SERPINA9: variants seen among roughly 807,000 people sequenced by gnomAD.
The protein encoded by SERPINA9 is serpin A9.
A neutral mutation model predicts 24.5 loss-of-function variants in SERPINA9; 32 were observed. The ratio of observed to expected loss-of-function variants is 1.30; its 90% confidence interval spans 0.98 to 1.75. SERPINA9 has a LOEUF of 1.75. SERPINA9 is among the 40% of genes most tolerant of loss of function. The pLI is 0.00. For missense variants in SERPINA9, 594 were observed against 497.1 expected (o/e 1.19, Z -1.85); for synonymous variants, 233 against 197.7 (o/e 1.18, Z -1.50).
At chr14:94,474,472 C>A (rs1343363380) in intron 1 of SERPINA9, among the ~76,000 whole-genome samples, 1 of 152,118 alleles carries the variant, frequency 6.6e-6, no homozygotes, top group African/African-American at 2.4e-5. Context: ...TCTCAAAAGG[C>A]CCTCTCTTCT....
intron 1 of SERPINA9, among the ~76,000 whole-genome samples, chr14:94,475,642 A>G (rs2139829381): frequency 1.3e-5 from 2 of 152,222 alleles, no homozygotes; most frequent in South Asian, 4.1e-4. Context: ...TTTGAGGTCC[A>G]GTCCCCCTTC....
chr14:94,462,961 T>A lies in SERPINA9; in HGVS notation c.*132A>T, dbSNP rs1898809430. 2 of 747,368 alleles carry A rather than the reference T, an allele frequency of 2.7e-6. No individual in the cohort carries two copies. Among genetic ancestry groups the A allele is most frequent in the Non-Finnish European group, 4.6e-6 (2 of 436,294 alleles). The allele number at this position is 747,368 out of a possible 1,614,324, so 46.3% of individuals were successfully genotyped here. On this transcript the variant is annotated 3_prime_UTR_variant, in exon 5 of 5. Transcript: ENST00000674397. ...CTGTTGATGGTTTGGTGATTGAGCC[T>A]TGGAAGTGGCATCCCTGCCAGCGAA...
intron 4 of SERPINA9, 98 bp from the exon 5 acceptor site, chr14:94,463,394 C>A: frequency 9.5e-7 from 1 of 1,053,846 alleles, no homozygotes; most frequent in Non-Finnish European, 1.4e-6. Flanking sequence ...ATGGTGATGT[C>A]TACCTTGAAA....
At chr14:94,475,827 C>A (rs768579798) in intron 1 of SERPINA9, 3 of 458,860 alleles carry the variant, frequency 6.5e-6, no homozygotes, top group African/African-American at 4.0e-5. Flanking sequence ...CTCCTTTCAC[C>A]CTCTCATTTG....
At chr14:94,473,186 C>A (rs1036808538) in intron 1 of SERPINA9, among the ~76,000 whole-genome samples, 1 of 152,240 alleles carries the variant, frequency 6.6e-6, no homozygotes, top group Non-Finnish European at 1.5e-5. Context: ...TCAGTAGACA[C>A]TTGGTGTGCT....
chr14:94,469,905 C>T (rs192482053), intron 1 of SERPINA9, 48 bp from the exon 2 acceptor site: 667 of 1,456,860 alleles, frequency 4.6e-4, no homozygotes, highest in Middle Eastern at 7.2e-4. Flanking sequence ...AGGGTCCAGG[C>T]CCTGAATCAG....
chr14:94,464,812 G>A lies in SERPINA9; in HGVS notation c.945C>T (p.Ser315=), dbSNP rs1898921988. The A allele has an allele frequency of 6.2e-7, 1 of 1,613,676 alleles. No individual in the cohort carries two copies. Among genetic ancestry groups the A allele is most frequent in the South Asian group, 1.1e-5 (1 of 91,062 alleles). Residue 315 remains serine, a synonymous_variant, in exon 4 of 5, where the codon TCC becomes TCT. Transcript: ENST00000674397. ...TCGGGAGGATGGTTTCCAGATTGTA[G>A]GAGGCAGAAATGGAAAATCTGGGGA... ...VFIPRFSISA[S]YNLETILPKM...
intron 1 of SERPINA9, among the ~76,000 whole-genome samples, chr14:94,472,576 T>G (rs943068948): frequency 6.6e-6 from 1 of 151,928 alleles, no homozygotes; most frequent in East Asian, 2.0e-4. Context: ...GTACGCTTAT[T>G]ATGCAGGTAC....
At chr14:94,468,277 C>T (rs532900516) in intron 2 of SERPINA9, among the ~76,000 whole-genome samples, 2 of 151,864 alleles carry the variant, frequency 1.3e-5, no homozygotes, top group Admixed American at 6.6e-5. Flanking sequence ...TAGATGAATA[C>T]GTTAATGGAT....
chr14:94,476,140 G>A lies in SERPINA9; in HGVS notation c.-22C>T, dbSNP rs777732554. 7 of 1,614,094 alleles carry A rather than the reference G, an allele frequency of 4.3e-6. No individual in the cohort carries two copies. The highest frequency in any genetic ancestry group is 5.9e-6 in the Non-Finnish European group (7 of 1,180,018). On this transcript the variant is annotated 5_prime_UTR_variant, in exon 1 of 5. Coordinates refer to ENST00000674397, the MANE Select transcript of SERPINA9 (RefSeq NM_175739.4). The stretch of plus-strand genomic sequence containing the variant: ...CTGCACCTCCTCCTTACCCACCTTT[G>A]CAGGTTCCTCTTCTCCTGCCCTGTC...
At position 94,469,322 on chromosome 14, in the gene SERPINA9, C is replaced by T. The variant is rs36071443; in HGVS notation, c.519G>A (p.Ala173=). ...TDFSNPSIAQ[A]RINSHVKKKT... ...TCTTTTTCACATGGCTGTTGATCCTCGCCTGGGCAATGGAGGGGTTGGAGA... is the reference window on the plus strand; with the variant it reads ...TCTTTTTCACATGGCTGTTGATCCTTGCCTGGGCAATGGAGGGGTTGGAGA... The change falls in exon 2 of 5, where the codon GCG becomes GCA. Residue 173 remains alanine (A), a synonymous_variant. Transcript: ENST00000674397. The T allele has an allele frequency of 4.0e-3, 6,523 of 1,614,216 alleles. 47 individuals are homozygous for T. The highest frequency in any genetic ancestry group is 0.028 in the African/African-American group (2,087 of 75,058).
At chr14:94,464,560 G>A in intron 4 of SERPINA9, 147 bp downstream of exon 4, 1 of 652,420 alleles carries the variant, frequency 1.5e-6, no homozygotes, top group Non-Finnish European at 2.6e-6. Context: ...GTGGCCATAG[G>A]CCGCAAGATT....
At chr14:94,470,089 C>G (rs928631033) in intron 1 of SERPINA9, 60 of 859,456 alleles carry the variant, frequency 7.0e-5, no homozygotes, top group Non-Finnish European at 8.8e-5. Context: ...GCAACTTACC[C>G]CAAATAGCAT....
intron 1 of SERPINA9, among the ~76,000 whole-genome samples, chr14:94,475,249 G>C (rs912194445): frequency 1.3e-5 from 2 of 152,084 alleles, no homozygotes; most frequent in Non-Finnish European, 2.9e-5. Context: ...GTCCACTGTG[G>C]GTTCCCAACC....
Position 94,470,031 on chromosome 14 carries a change from T to C in SERPINA9, c.-17-174A>G, listed in dbSNP as rs1023214885. ...AATATTCCCATGATGTAGATCTTAT[T>C]ATTGCTGTTTTACTTGCAAATGAGT... On this transcript the variant is annotated intron_variant, in intron 1 of 4. Transcript: ENST00000674397. 4.7e-6 allele frequency: 3 copies of C among 632,960 alleles called. No individual in the cohort carries two copies. The African/African-American group carries it at 5.5e-5, about 12-fold the overall frequency. The allele number at this position is 632,960 out of a possible 1,614,324, so 39.2% of individuals were successfully genotyped here. A position where few individuals can be genotyped will look rare whatever the true frequency, so the allele number is the denominator to read the frequency against.
intron 1 of SERPINA9, among the ~76,000 whole-genome samples, chr14:94,471,745 T>A (rs1369309488): frequency 1.4e-5 from 2 of 140,224 alleles, no homozygotes; most frequent in East Asian, 4.8e-4. Context: ...CATCTCTCCC[T>A]TTCTCCAAGA....
At chr14:94,473,890 G>A (rs145364435) in intron 1 of SERPINA9, among the ~76,000 whole-genome samples, 44 of 152,324 alleles carry the variant, frequency 2.9e-4, no homozygotes, top group East Asian at 1.5e-3. Flanking sequence ...TCTGAATTGC[G>A]TCAACCCTGA....
Position 94,467,400 on chromosome 14 carries a change from A to G in SERPINA9, c.629-18T>C. The G allele has an allele frequency of 6.3e-7, 1 of 1,581,444 alleles. No homozygotes were observed. The highest frequency in any genetic ancestry group is 8.6e-7 in the Non-Finnish European group (1 of 1,161,330). ...CCACTTGGCTAGCACAAAGAGAGAAAAGAAGTCTTTATGTCAAAGTACAAT... is the reference window on the plus strand; with the variant it reads ...CCACTTGGCTAGCACAAAGAGAGAAGAGAAGTCTTTATGTCAAAGTACAAT... On this transcript the variant is annotated intron_variant, in intron 2 of 4. Transcript: ENST00000674397.
rs760946865 is a variant in SERPINA9 at position 94,469,578 on chromosome 14, G to A, written c.263C>T (p.Ser88Leu). The change falls in exon 2 of 5, where the codon TCA becomes TTA. Residue 88 changes from serine to leucine, a missense_variant. Coordinates refer to ENST00000674397, the MANE Select transcript of SERPINA9 (RefSeq NM_175739.4). ...SLAMLSLGAHSVTKTQILQGL... is the reference protein window; with the variant it reads ...SLAMLSLGAHLVTKTQILQGL... ...CTGGAGAATCTGGGTCTTGGTGACT[G>A]AGTGGGCCCCAAGGGAGAGCATGGC... 1.9e-6 allele frequency: 3 copies of A among 1,614,158 alleles called. No homozygotes were observed. The Admixed American group carries it at 5.0e-5, about 27-fold the overall frequency.
Sources: allele counts gnomAD v4.1 joint callset (sites outside exome capture counted in the v4.1 genomes callset), GRCh38; gene constraint gnomAD v4.1.1; transcripts MANE v1.5; gene names NCBI Gene and HGNC (gene_info 2026-07-23, HGNC 2026-07-21).